Variants in LEF1 observed in about 807,000 individuals in gnomAD.
LEF1 encodes lymphoid enhancer binding factor 1.
Under a neutral mutation model 51.2 loss-of-function variants are expected in LEF1, and 14 were observed. The observed-to-expected ratio is 0.27, with a 90% CI of 0.18 to 0.43. LEF1 has a LOEUF of 0.43. Among genes scored for constraint, LEF1 ranks in the 20% least tolerant of loss-of-function variants. LEF1 has a pLI of 1.00. For synonymous variants in LEF1, 185 were observed against 183.2 expected, an observed-to-expected ratio of 1.01 and a Z score of -0.08; for missense variants, 386 against 512.0, an observed-to-expected ratio of 0.75 and a Z score of 2.37.
At chr4:108,117,738 G>A (rs978049940) in intron 3 of LEF1, among the ~76,000 whole-genome samples, 6 of 152,176 alleles carry the variant, frequency 3.9e-5, no homozygotes, top group African/African-American at 1.4e-4. Flanking sequence ...AGCAGGGAGG[G>A]GATCAGGGTG....
intron 8 of LEF1, among the ~76,000 whole-genome samples, chr4:108,073,832 C>T (rs13119395): frequency 0.07 from 8,251 of 117,158 alleles, 714 homozygotes; most frequent in African/African-American, 0.2. Context: ...AACCCCCCCC[C>T]CTTTTTTTTT....
At chr4:108,081,010 G>A (rs1045598024) in intron 6 of LEF1, among the ~76,000 whole-genome samples, 6 of 151,846 alleles carry the variant, frequency 4.0e-5, no homozygotes, top group Non-Finnish European at 7.4e-5. Context: ...CCCGAGCTCC[G>A]CTGGCATGAC....
chr4:108,157,386 G>A (rs1467275252), intron 3 of LEF1, among the ~76,000 whole-genome samples: 1 of 152,008 alleles, frequency 6.6e-6, no homozygotes, highest in African/African-American at 2.4e-5. Context: ...TAGAGATGGG[G>A]TTTCACCATG....
At chr4:108,091,965 G>A (rs970010034) in intron 3 of LEF1, among the ~76,000 whole-genome samples, 1 of 152,064 alleles carries the variant, frequency 6.6e-6, no homozygotes, top group Non-Finnish European at 1.5e-5. Flanking sequence ...TTTTCTTAGG[G>A]TACTTATAAA....
chr4:108,166,187 G>T, intron 1 of LEF1: 1 of 1,397,850 alleles, frequency 7.2e-7, no homozygotes. Context: ...CCCGCCCCCA[G>T]CCCGCTCAAA....
intron 2 of LEF1, among the ~76,000 whole-genome samples, chr4:108,164,748 A>T (rs1055191232): frequency 6.6e-6 from 1 of 152,120 alleles, no homozygotes. Context: ...ATCGATATAT[A>T]CTGTCGTTCT....
At chr4:108,163,160 G>A (rs554449003) in intron 3 of LEF1, among the ~76,000 whole-genome samples, 17 of 152,120 alleles carry the variant, frequency 1.1e-4, no homozygotes, top group Non-Finnish European at 2.1e-4. Context: ...CAAACATTCA[G>A]CTCCAAATGA....
At chr4:108,157,179 T>TACACAC (rs59867246) in intron 3 of LEF1, among the ~76,000 whole-genome samples, 2,704 of 116,722 alleles carry the variant, frequency 0.023, 45 homozygotes, top group Middle Eastern at 0.038. Context: ...TATATATATA[T>TACACAC]ACACACACAC....
chr4:108,048,974 A>T (rs574667691), intron 11 of LEF1, among the ~76,000 whole-genome samples: 3 of 152,300 alleles, frequency 2.0e-5, no homozygotes, highest in Non-Finnish European at 4.4e-5. Context: ...ATGTATACGT[A>T]TGCCCAGAGT....
chr4:108,144,743 C>A (rs1743888542), intron 3 of LEF1, among the ~76,000 whole-genome samples: 1 of 151,608 alleles, frequency 6.6e-6, no homozygotes, highest in Admixed American at 6.6e-5. Flanking sequence ...CAAATGATGT[C>A]ATTTAGCTGG....
chr4:108,166,438 G>T (rs912992028), intron 1 of LEF1: 1 of 1,409,830 alleles, frequency 7.1e-7, no homozygotes, highest in Non-Finnish European at 9.2e-7. Context: ...GGGAAAAGGC[G>T]TTGGTTAAAT....
At chr4:108,124,902 T>C (rs1056245501) in intron 3 of LEF1, among the ~76,000 whole-genome samples, 1 of 152,210 alleles carries the variant, frequency 6.6e-6, no homozygotes, top group Non-Finnish European at 1.5e-5. Context: ...GTTTGTTCCA[T>C]ACACTTGGAT....
At chr4:108,060,218 C>T (rs1346940519) in intron 11 of LEF1, among the ~76,000 whole-genome samples, 1 of 152,102 alleles carries the variant, frequency 6.6e-6, no homozygotes, top group Non-Finnish European at 1.5e-5. Context: ...CATGTATAAG[C>T]CATTTTCAAG....
chr4:108,092,194 G>C (rs1255335168), intron 3 of LEF1, among the ~76,000 whole-genome samples: 1 of 152,216 alleles, frequency 6.6e-6, no homozygotes, highest in Non-Finnish European at 1.5e-5. Flanking sequence ...GTGGGAAAGA[G>C]ATAAGAAGCC....
intron 9 of LEF1, among the ~76,000 whole-genome samples, chr4:108,065,715 TA>T (rs930719400): frequency 4.6e-5 from 7 of 152,154 alleles, no homozygotes; most frequent in South Asian, 2.1e-4. Context: ...TTATAGCCTT[TA>T]AAAAAATTAT....
At chr4:108,100,356 T>C (rs1433138194) in intron 3 of LEF1, among the ~76,000 whole-genome samples, 1 of 152,134 alleles carries the variant, frequency 6.6e-6, no homozygotes, top group Non-Finnish European at 1.5e-5. Flanking sequence ...ATTAATAAAT[T>C]ATAAAAAGGA....
intron 3 of LEF1, among the ~76,000 whole-genome samples, chr4:108,099,279 T>C (rs1474969226): frequency 6.6e-6 from 1 of 151,986 alleles, no homozygotes; most frequent in Non-Finnish European, 1.5e-5. Context: ...GCAGTTCTGC[T>C]TACAGTTTAA....
At chr4:108,127,189 TA>T (rs1369238545) in intron 3 of LEF1, among the ~76,000 whole-genome samples, 4 of 152,154 alleles carry the variant, frequency 2.6e-5, no homozygotes, top group African/African-American at 9.7e-5. Flanking sequence ...AACAGAATGC[TA>T]AAACTGGGGA....
intron 3 of LEF1, among the ~76,000 whole-genome samples, chr4:108,138,282 T>C (rs914919113): frequency 6.6e-6 from 1 of 152,230 alleles, no homozygotes; most frequent in African/African-American, 2.4e-5. Flanking sequence ...TGGAATGGAA[T>C]TGTTATTTTC....
Sources: allele counts gnomAD v4.1 joint callset (sites outside exome capture counted in the v4.1 genomes callset), GRCh38; gene constraint gnomAD v4.1.1; transcripts MANE v1.5; gene names NCBI Gene and HGNC (gene_info 2026-07-23, HGNC 2026-07-21).